The following SLC39A11 variants were observed in gnomAD, a reference collection of about 807,000 sequenced individuals.
SLC39A11 encodes zinc transporter ZIP11.
SLC39A11 carries 33 observed loss-of-function variants against 36.1 expected under a neutral mutation model. That is an observed-to-expected ratio of 0.91 (90% CI 0.69 to 1.22). The LOEUF is 1.22. Among genes scored for constraint, SLC39A11 ranks in the 50% most tolerant of loss-of-function variants. The pLI is 0.00. For synonymous variants in SLC39A11, 166 were observed against 170.3 expected (o/e 0.97, Z 0.20); for missense variants, 432 against 430.3 (o/e 1.00, Z -0.03).
At chr17:72,650,356 C>G (rs1358661318) in intron 7 of SLC39A11, among the ~76,000 whole-genome samples, 1 of 152,204 alleles carries the variant, frequency 6.6e-6, no homozygotes, top group African/African-American at 2.4e-5. Context: ...CAATCTGTGA[C>G]CACATGCCTG....
At chr17:72,867,614 T>C (rs2080368064) in intron 5 of SLC39A11, among the ~76,000 whole-genome samples, 1 of 151,742 alleles carries the variant, frequency 6.6e-6, no homozygotes, top group Non-Finnish European at 1.5e-5. Flanking sequence ...AATCAATCAA[T>C]CCACTGAAGT....
intron 3 of SLC39A11, among the ~76,000 whole-genome samples, chr17:73,081,233 C>T (rs1474330549): frequency 6.6e-6 from 1 of 152,130 alleles, no homozygotes; most frequent in Non-Finnish European, 1.5e-5. Flanking sequence ...CTCAACATCA[C>T]TAATGATCAG....
At chr17:72,907,903 G>T (rs2082744944) in intron 5 of SLC39A11, among the ~76,000 whole-genome samples, 2 of 152,240 alleles carry the variant, frequency 1.3e-5, no homozygotes, top group Non-Finnish European at 2.9e-5. Context: ...GTGGAAGGAG[G>T]AGACAGGTCG....
At chr17:72,749,880 C>T (rs180690310) in intron 6 of SLC39A11, among the ~76,000 whole-genome samples, 152 of 152,242 alleles carry the variant, frequency 1.0e-3, no homozygotes, top group Admixed American at 1.6e-3. Context: ...GGCTCAGATT[C>T]GTAAAACACT....
intron 7 of SLC39A11, among the ~76,000 whole-genome samples, chr17:72,728,484 G>A (rs535053461): frequency 1.1e-4 from 17 of 151,776 alleles, no homozygotes; most frequent in African/African-American, 4.1e-4. Flanking sequence ...GGAACAGGGA[G>A]GTCAGATAGT....
intron 7 of SLC39A11, among the ~76,000 whole-genome samples, chr17:72,702,181 A>C (rs1225187483): frequency 6.6e-6 from 1 of 152,248 alleles, no homozygotes; most frequent in Non-Finnish European, 1.5e-5. Context: ...ACCAATCCAC[A>C]TGCTCTCATA....
chr17:72,964,230 C>T (rs867416157), intron 4 of SLC39A11, among the ~76,000 whole-genome samples: 34 of 152,344 alleles, frequency 2.2e-4, no homozygotes, highest in African/African-American at 7.5e-4. Flanking sequence ...CAGACCACTG[C>T]AGGACAGAAT....
chr17:72,987,683 A>G (rs1293994054), intron 4 of SLC39A11, among the ~76,000 whole-genome samples: 1 of 152,210 alleles, frequency 6.6e-6, no homozygotes. Flanking sequence ...GCCTAAAGAC[A>G]AAGTCCTGAA....
intron 6 of SLC39A11, among the ~76,000 whole-genome samples, chr17:72,804,484 T>C (rs2077190212): frequency 1.3e-5 from 2 of 152,218 alleles, no homozygotes; most frequent in Non-Finnish European, 1.5e-5. Context: ...ATTACAAAGA[T>C]ACCTAAGCAA....
At chr17:72,719,891 GC>G (rs2073581646) in intron 7 of SLC39A11, among the ~76,000 whole-genome samples, 1 of 152,170 alleles carries the variant, frequency 6.6e-6, no homozygotes, top group Non-Finnish European at 1.5e-5. Flanking sequence ...AGACGCTGCT[GC>G]CCGGCGGATG....
intron 7 of SLC39A11, among the ~76,000 whole-genome samples, chr17:72,660,566 C>T (rs998676851): frequency 1.3e-5 from 2 of 152,150 alleles, no homozygotes; most frequent in Admixed American, 6.5e-5. Context: ...GCAGACCCAT[C>T]GAACCATATG....
intron 4 of SLC39A11, among the ~76,000 whole-genome samples, chr17:73,001,233 T>C (rs189836494): frequency 1.2e-4 from 17 of 144,560 alleles, no homozygotes; most frequent in Admixed American, 5.7e-4. Flanking sequence ...GTTCTCTTTT[T>C]ACCCTAGCTA....
intron 5 of SLC39A11, among the ~76,000 whole-genome samples, chr17:72,856,324 T>C (rs2079640834): frequency 6.6e-6 from 1 of 152,238 alleles, no homozygotes; most frequent in Admixed American, 6.5e-5. Context: ...GGAACATTTT[T>C]CAATTTCAGG....
chr17:72,760,883 C>T (rs751797058), intron 6 of SLC39A11, among the ~76,000 whole-genome samples: 6 of 152,254 alleles, frequency 3.9e-5, no homozygotes, highest in Non-Finnish European at 5.9e-5. Context: ...GGGAAATCCT[C>T]TGGCCAAGGC....
chr17:72,874,336 G>A (rs758380086), intron 5 of SLC39A11, among the ~76,000 whole-genome samples: 8 of 152,126 alleles, frequency 5.3e-5, no homozygotes, highest in Admixed American at 2.0e-4. Context: ...TTTCCTGCCC[G>A]ATGTAGAACT....
At chr17:72,809,229 T>TCTCTCTCTCTCTCTCTCTCTCTC (rs1568127723) in intron 6 of SLC39A11, among the ~76,000 whole-genome samples, 1 of 131,394 alleles carries the variant, frequency 7.6e-6, no homozygotes, top group Non-Finnish European at 1.6e-5. Flanking sequence ...CTCTCTCTCT[T>TCTCTCTCTCTCTCTCTCTCTCTC]TCTTTCTGCC....
intron 5 of SLC39A11, among the ~76,000 whole-genome samples, chr17:72,927,544 A>T (rs2084121019): frequency 6.6e-6 from 1 of 152,232 alleles, no homozygotes; most frequent in Admixed American, 6.5e-5. Flanking sequence ...CCCGGTGATT[A>T]TAAGGCTTAC....
intron 4 of SLC39A11, among the ~76,000 whole-genome samples, chr17:73,023,558 C>T (rs374648181): frequency 3.3e-5 from 5 of 151,660 alleles, no homozygotes; most frequent in East Asian, 1.9e-4. Flanking sequence ...GGTGTGATCT[C>T]GGCTCACTGC....
chr17:72,919,773 G>C (rs1396664187), intron 5 of SLC39A11, among the ~76,000 whole-genome samples: 2 of 151,982 alleles, frequency 1.3e-5, no homozygotes, highest in African/African-American at 4.8e-5. Flanking sequence ...AGAGCTGCCA[G>C]GGTGGTCGGG....
Sources: allele counts gnomAD v4.1 joint callset (sites outside exome capture counted in the v4.1 genomes callset), GRCh38; gene constraint gnomAD v4.1.1; transcripts MANE v1.5; gene names NCBI Gene and HGNC (gene_info 2026-07-23, HGNC 2026-07-21).